The following NOVA1 variants were observed in gnomAD, a reference collection of about 807,000 sequenced individuals.
NOVA1 encodes the protein RNA-binding protein Nova-1.
Under a neutral mutation model 38.0 loss-of-function variants are expected in NOVA1, and 7 were observed. The observed-to-expected ratio is 0.18, with a 90% confidence interval of 0.10 to 0.35. NOVA1 has a LOEUF of 0.35. Ranked by LOEUF, NOVA1 falls within the 10% of genes least tolerant of loss-of-function variation. The pLI is 1.00. For synonymous variants in NOVA1, 270 were observed against 232.5 expected, an observed-to-expected ratio of 1.16 and a Z score of -1.47; for missense variants, 460 against 616.0, an observed-to-expected ratio of 0.75 and a Z score of 2.68.
chr14:26,486,541 C>G (rs1286709283), intron 2 of NOVA1, among the ~76,000 whole-genome samples: 2 of 151,444 alleles, frequency 1.3e-5, no homozygotes, highest in African/African-American at 4.8e-5. Flanking sequence ...AACCCCGTCT[C>G]CACTAAAAAT....
chr14:26,554,128 GA>G (rs373999714), intron 2 of NOVA1, among the ~76,000 whole-genome samples: 402 of 67,812 alleles, frequency 5.9e-3, no homozygotes, highest in Admixed American at 0.015. Context: ...CAGCACGGGT[GA>G]AAAAAAAAAA....
chr14:26,557,528 A>ATTTTTTTTT (rs375431107), intron 2 of NOVA1, among the ~76,000 whole-genome samples: 1 of 141,082 alleles, frequency 7.1e-6, no homozygotes. Flanking sequence ...TGACTGGCTA[A>ATTTTTTTTT]TTTTTTTTTT....
chr14:26,535,235 T>C (rs1889983419), intron 2 of NOVA1, among the ~76,000 whole-genome samples: 2 of 152,140 alleles, frequency 1.3e-5, no homozygotes, highest in African/African-American at 4.8e-5. Context: ...AGACAGAAAA[T>C]AATTTTTAAA....
At chr14:26,504,013 C>G (rs1887441099) in intron 2 of NOVA1, among the ~76,000 whole-genome samples, 1 of 152,172 alleles carries the variant, frequency 6.6e-6, no homozygotes, top group Admixed American at 6.5e-5. Context: ...TCTCTTTATA[C>G]TCAAAATATG....
intron 1 of NOVA1, chr14:26,595,921 T>A (rs1445602731): frequency 2.5e-5 from 10 of 404,554 alleles, no homozygotes; most frequent in Non-Finnish European, 4.3e-5. Flanking sequence ...TTCAGAGGTT[T>A]ATAAGATGAC....
At chr14:26,566,197 G>A (rs1006526560) in intron 2 of NOVA1, among the ~76,000 whole-genome samples, 12 of 151,998 alleles carry the variant, frequency 7.9e-5, no homozygotes, top group East Asian at 3.9e-4. Flanking sequence ...AAAAGATATC[G>A]TACATAACAC....
At chr14:26,579,887 A>G (rs1207302889) in intron 2 of NOVA1, among the ~76,000 whole-genome samples, 1 of 152,050 alleles carries the variant, frequency 6.6e-6, no homozygotes, top group Non-Finnish European at 1.5e-5. Context: ...AAATTAAATT[A>G]CTTTTATTTA....
At chr14:26,572,494 C>T (rs1892542435) in intron 2 of NOVA1, among the ~76,000 whole-genome samples, 1 of 152,066 alleles carries the variant, frequency 6.6e-6, no homozygotes, top group Non-Finnish European at 1.5e-5. Context: ...ATGTGGAAGA[C>T]CCTATAAAAG....
intron 2 of NOVA1, among the ~76,000 whole-genome samples, chr14:26,492,142 T>C (rs1445989301): frequency 1.3e-5 from 2 of 152,204 alleles, no homozygotes; most frequent in Non-Finnish European, 2.9e-5. Context: ...CTATTTTAGA[T>C]GCTACTGTAA....
At chr14:26,580,211 C>T (rs1383597956) in intron 2 of NOVA1, among the ~76,000 whole-genome samples, 1 of 151,924 alleles carries the variant, frequency 6.6e-6, no homozygotes, top group Non-Finnish European at 1.5e-5. Flanking sequence ...GTCTTAGTAT[C>T]CTGAAAAAGA....
chr14:26,446,144 C>A lies in NOVA1; in HGVS notation c.*1815G>T, dbSNP rs1882047898. On this transcript the variant is annotated 3_prime_UTR_variant, in exon 5 of 5. Transcript: ENST00000539517. ...GAGAACTCTAAATGAAATAACAGTC[C>A]AATGTTAAAAACTAAAAAAAAAAAA... 2 of 126,530 alleles carry A rather than the reference C, an allele frequency of 1.6e-5. No homozygotes were observed. The allele number at this position is 126,530 out of a possible 1,614,324, so 7.8% of individuals were successfully genotyped here. A position where few individuals can be genotyped will look rare whatever the true frequency, so the allele number is the denominator to read the frequency against.
In NOVA1 at chr14:26,562,514, T is replaced by C. The variant is rs1023443694; in HGVS notation, c.280+32896A>G. Among the ~76,000 whole-genome samples, 7 of 152,098 alleles carry C rather than the reference T, an allele frequency of 4.6e-5. No individual in the cohort carries two copies. In the South Asian group the frequency reaches 8.3e-4, roughly 18 times the overall value. On this transcript the variant is annotated intron_variant, in intron 2 of 4. Coordinates refer to ENST00000539517, the MANE Select transcript of NOVA1 (RefSeq NM_002515.3). ...ACATCACTAAAATGGCAAAATAGTA[T>C]AAAAGCAGAAAGACAAGGAGAAGGG...
intron 4 of NOVA1, among the ~76,000 whole-genome samples, chr14:26,451,658 C>T (rs930818990): frequency 3.3e-5 from 5 of 151,976 alleles, no homozygotes; most frequent in South Asian, 2.1e-4. Flanking sequence ...CAACCACGCC[C>T]GGCCAATACT....
intron 2 of NOVA1, among the ~76,000 whole-genome samples, chr14:26,534,936 A>G (rs1889965874): frequency 6.6e-6 from 1 of 152,198 alleles, no homozygotes; most frequent in African/African-American, 2.4e-5. Flanking sequence ...AGTGCCTCCA[A>G]AGGAACCAGA....
intron 2 of NOVA1, among the ~76,000 whole-genome samples, chr14:26,542,472 T>C (rs145833725): frequency 3.8e-4 from 58 of 151,982 alleles, no homozygotes; most frequent in Non-Finnish European, 5.9e-4. Context: ...TCTTGAGGAA[T>C]GGCAGAAATT....
intron 2 of NOVA1, among the ~76,000 whole-genome samples, chr14:26,562,330 T>C (rs1480864823): frequency 6.6e-6 from 1 of 152,166 alleles, no homozygotes; most frequent in Non-Finnish European, 1.5e-5. Flanking sequence ...GTAGTATGCG[T>C]TTAATGGGAT....
At chr14:26,537,901 C>T (rs1306014361) in intron 2 of NOVA1, among the ~76,000 whole-genome samples, 1 of 152,162 alleles carries the variant, frequency 6.6e-6, no homozygotes, top group Admixed American at 6.5e-5. Flanking sequence ...ATGGATATGA[C>T]ATTTGAACTG....
At chr14:26,536,999 C>T (rs956043376) in intron 2 of NOVA1, among the ~76,000 whole-genome samples, 14 of 152,004 alleles carry the variant, frequency 9.2e-5, no homozygotes, top group Admixed American at 7.9e-4. Flanking sequence ...ACTGTGTATA[C>T]TATACTCCTA....
chr14:26,569,138 AGT>A (rs1225318492), intron 2 of NOVA1, among the ~76,000 whole-genome samples: 1 of 152,206 alleles, frequency 6.6e-6, no homozygotes, highest in Non-Finnish European at 1.5e-5. Flanking sequence ...TGGTGGCAAG[AGT>A]GAGAACCAGC....
Sources: gnomAD v4.1 joint callset for allele counts (sites outside exome capture counted in the v4.1 genomes callset) on GRCh38, gnomAD v4.1.1 for gene constraint, MANE v1.5 for transcripts, NCBI Gene and HGNC (gene_info 2026-07-23, HGNC 2026-07-21) for gene names.